The following SFMBT2 variants were observed in gnomAD, a reference collection of about 807,000 sequenced individuals.
The protein encoded by SFMBT2 is scm-like with four MBT domains protein 2.
Under a neutral mutation model 110.1 loss-of-function variants are expected in SFMBT2, and 38 were observed. The ratio of observed to expected loss-of-function variants is 0.35; its 90% CI spans 0.27 to 0.45. SFMBT2 has a LOEUF of 0.45. Among genes scored for constraint, SFMBT2 ranks in the 20% least tolerant of loss-of-function variants. The pLI is 1.00. For synonymous variants in SFMBT2, 425 were observed against 425.4 expected (o/e 1.00, Z 0.01); for missense variants, 1,011 against 1,094.9 (o/e 0.92, Z 1.08).
chr10:7,194,961 G>C, intron 15 of SFMBT2, among the ~76,000 whole-genome samples: 1 of 152,244 alleles, frequency 6.6e-6, no homozygotes, highest in Non-Finnish European at 1.5e-5. Flanking sequence ...AGAGCTGGCA[G>C]ATAAGGGAAG....
At chr10:7,196,263 G>T (rs1444793383) in intron 15 of SFMBT2, among the ~76,000 whole-genome samples, 1 of 152,120 alleles carries the variant, frequency 6.6e-6, no homozygotes, top group Non-Finnish European at 1.5e-5. Context: ...ATCAAGGCAG[G>T]CCAGCTTCCT....
At chr10:7,341,504 T>G (rs948580679) in intron 4 of SFMBT2, among the ~76,000 whole-genome samples, 6 of 152,234 alleles carry the variant, frequency 3.9e-5, no homozygotes, top group Non-Finnish European at 8.8e-5. Context: ...TTTTGGTTTT[T>G]ATTCATTCAA....
chr10:7,300,647 A>G (rs369765722), intron 4 of SFMBT2, among the ~76,000 whole-genome samples: 1 of 152,030 alleles, frequency 6.6e-6, no homozygotes, highest in Non-Finnish European at 1.5e-5. Flanking sequence ...CTGACAGCCC[A>G]CTGCATTCTG....
rs1185596418 is a variant in SFMBT2 at position 7,367,984 on chromosome 10, A to G, written c.196-95T>C. On this transcript the variant is annotated intron_variant, in intron 3 of 20. Coordinates refer to ENST00000397167, the MANE Select transcript of SFMBT2 (RefSeq NM_001387889.1). This position sits in a 1 kb window ranked among gnomAD's most constrained non-coding sequence, Gnocchi z 6.2. ...CCACTAAAAAATATGGCACTTACAA[A>G]CAATATTCCTGTTGCTCTAAAACAG... 1.5e-5 allele frequency: 22 copies of G among 1,488,302 alleles called. No homozygotes were observed. Among genetic ancestry groups the G allele is most frequent in the Non-Finnish European group, 1.8e-5 (20 of 1,108,952 alleles). The allele number at this position is 1,488,302 out of a possible 1,614,324, so 92.2% of individuals were successfully genotyped here. A position where few individuals can be genotyped will look rare whatever the true frequency, so the allele number is the denominator to read the frequency against.
rs535360072 is a variant in SFMBT2, at chr10:7,357,170, G to T, written c.436+10479C>A. Among the ~76,000 whole-genome samples, 5 of 152,088 alleles carry T rather than the reference G, an allele frequency of 3.3e-5. No homozygotes were observed. The South Asian group carries it at 1.0e-3, about 32-fold the overall frequency. On this transcript the variant is annotated intron_variant, in intron 4 of 20. Coordinates refer to ENST00000397167, the MANE Select transcript of SFMBT2 (RefSeq NM_001387889.1). ...CCTCTCCAGAAGGCATTAAGATGACGCCAGGGGAGAGCAAGTGGGCGATTC... is the reference window on the plus strand; with the variant it reads ...CCTCTCCAGAAGGCATTAAGATGACTCCAGGGGAGAGCAAGTGGGCGATTC...
chr10:7,333,660 T>C (rs772898390), intron 4 of SFMBT2, among the ~76,000 whole-genome samples: 3 of 152,022 alleles, frequency 2.0e-5, no homozygotes, highest in African/African-American at 4.8e-5. Context: ...AAAGTTTTCA[T>C]TGACTCACCT....
intron 9 of SFMBT2, among the ~76,000 whole-genome samples, chr10:7,237,562 G>A (rs746108992): frequency 1.1e-4 from 16 of 152,126 alleles, no homozygotes; most frequent in Admixed American, 9.2e-4. Context: ...CTCACCTTGC[G>A]GAGGATGAGG....
intron 10 of SFMBT2, among the ~76,000 whole-genome samples, chr10:7,224,006 T>C (rs1263719844): frequency 1.3e-5 from 2 of 152,178 alleles, no homozygotes; most frequent in Admixed American, 1.3e-4. Flanking sequence ...ATGGGTTTAG[T>C]CTATGCTTGG....
intron 7 of SFMBT2, among the ~76,000 whole-genome samples, chr10:7,271,767 G>C (rs1249698243): frequency 1.3e-5 from 2 of 152,202 alleles, no homozygotes; most frequent in African/African-American, 2.4e-5. Flanking sequence ...CACAATCATA[G>C]TGGAAAATGA....
At chr10:7,409,452 C>G (rs1031972444) in intron 1 of SFMBT2, 1 of 152,156 alleles carries the variant, frequency 6.6e-6, no homozygotes, top group African/African-American at 2.4e-5. Flanking sequence ...GGTCTGGTTC[C>G]AAGACGCACA....
At chr10:7,175,023 C>T (rs924631275) in intron 17 of SFMBT2, among the ~76,000 whole-genome samples, 6 of 152,214 alleles carry the variant, frequency 3.9e-5, no homozygotes, top group African/African-American at 1.2e-4. Flanking sequence ...CTCTGCACAG[C>T]GTTTCCAGTA....
At chr10:7,381,320 C>T (rs557376309) in intron 2 of SFMBT2, among the ~76,000 whole-genome samples, 12 of 152,300 alleles carry the variant, frequency 7.9e-5, no homozygotes, top group Non-Finnish European at 1.8e-4. Context: ...CTGTCTCTCT[C>T]TCTCCAGCAC....
chr10:7,195,339 G>A (rs1045654976), intron 15 of SFMBT2, among the ~76,000 whole-genome samples: 1 of 152,128 alleles, frequency 6.6e-6, no homozygotes, highest in Non-Finnish European at 1.5e-5. Flanking sequence ...CCACACTGCG[G>A]AGCCCTTCCC....
At chr10:7,395,616 T>C (rs2132113629) in intron 1 of SFMBT2, among the ~76,000 whole-genome samples, 1 of 152,346 alleles carries the variant, frequency 6.6e-6, no homozygotes, top group African/African-American at 2.4e-5. Flanking sequence ...TATCACTTTA[T>C]TTTGTTTAAT....
At chr10:7,354,894 T>G (rs958525226) in intron 4 of SFMBT2, among the ~76,000 whole-genome samples, 2 of 152,226 alleles carry the variant, frequency 1.3e-5, no homozygotes, top group African/African-American at 2.4e-5. Context: ...AACATGAGTC[T>G]GGGTGTTCTG....
chr10:7,326,642 G>A (rs186678619), intron 4 of SFMBT2, among the ~76,000 whole-genome samples: 15 of 152,252 alleles, frequency 9.9e-5, no homozygotes, highest in Admixed American at 5.2e-4. Flanking sequence ...ATTAATCCTC[G>A]AAATCACACA....
intron 4 of SFMBT2, among the ~76,000 whole-genome samples, chr10:7,319,834 G>A (rs1843122210): frequency 6.6e-6 from 1 of 151,336 alleles, no homozygotes; most frequent in African/African-American, 2.4e-5. Context: ...GAGAGACAGA[G>A]AGGAAGACAG....
At chr10:7,285,840 A>G (rs907336855) in intron 5 of SFMBT2, 26 bp downstream of exon 5, 2 of 868,736 alleles carry the variant, frequency 2.3e-6, no homozygotes, top group East Asian at 2.4e-5. Flanking sequence ...TCAGAGATAC[A>G]TTAGATGTAT....
chr10:7,171,877 C>T lies in SFMBT2; in HGVS notation c.2415+18G>A. On this transcript the variant is annotated intron_variant, in intron 19 of 20. Coordinates refer to ENST00000397167, the MANE Select transcript of SFMBT2 (RefSeq NM_001387889.1). This position sits in a 1 kb window ranked among gnomAD's most constrained non-coding sequence, Gnocchi z 4.9. Reference sequence around the variant, plus strand: ...CAGACCCAGCGGGAAGCCCTCTGTCCCCACGCCCGGGCATCACCTCTGTCC... The same window carrying T: ...CAGACCCAGCGGGAAGCCCTCTGTCTCCACGCCCGGGCATCACCTCTGTCC... The T allele has an allele frequency of 7.1e-7, 1 of 1,409,744 alleles. No individual in the cohort carries two copies. Among genetic ancestry groups the T allele is most frequent in the South Asian group, 1.6e-5 (1 of 64,326 alleles). The allele number at this position is 1,409,744 out of a possible 1,614,324, so 87.3% of individuals were successfully genotyped here.
Sources: gnomAD v4.1 joint callset for allele counts (sites outside exome capture counted in the v4.1 genomes callset) on GRCh38, gnomAD v4.1.1 for gene constraint, Gnocchi (gnomAD v3.1) non-coding constraint, MANE v1.5 for transcripts, NCBI Gene and HGNC (gene_info 2026-07-23, HGNC 2026-07-21) for gene names.